PPP1R12A: variants seen among roughly 807,000 people sequenced by gnomAD.
PPP1R12A encodes the protein protein phosphatase 1 regulatory subunit 12A, also known as myosin binding subunit.
A neutral mutation model predicts 139.6 loss-of-function variants in PPP1R12A; 19 were observed. The ratio of observed to expected loss-of-function variants is 0.14; its 90% confidence interval spans 0.09 to 0.20. The LOEUF is 0.20. PPP1R12A is among the 10% of genes least tolerant of loss of function. The probability of loss-of-function intolerance (pLI) is 1.00; values close to 1 mark genes in which losing one functional copy is unlikely to be tolerated. For synonymous variants in PPP1R12A, 427 were observed against 420.6 expected, an observed-to-expected ratio of 1.02 and a Z score of -0.19; for missense variants, 925 against 1,211.5, an observed-to-expected ratio of 0.76 and a Z score of 3.51.
intron 1 of PPP1R12A, among the ~76,000 whole-genome samples, chr12:79,883,183 A>C (rs1883805591): frequency 1.3e-5 from 2 of 152,120 alleles, no homozygotes; most frequent in African/African-American, 4.8e-5. Flanking sequence ...CACCAGCAAA[A>C]AGACTATGAC....
chr12:79,878,064 GT>G (rs1883286214), intron 1 of PPP1R12A, among the ~76,000 whole-genome samples: 1 of 150,126 alleles, frequency 6.7e-6, no homozygotes, highest in Non-Finnish European at 1.5e-5. Flanking sequence ...TGTTTGTTTT[GT>G]TTTTTAAGCC....
At chr12:79,879,496 A>G (rs944349342) in intron 1 of PPP1R12A, among the ~76,000 whole-genome samples, 1 of 152,208 alleles carries the variant, frequency 6.6e-6, no homozygotes, top group Non-Finnish European at 1.5e-5. Context: ...TGAGGTGTAG[A>G]AAGGGAGATC....
intron 1 of PPP1R12A, chr12:79,914,017 T>G (rs1886802114): frequency 6.6e-6 from 1 of 152,176 alleles, no homozygotes; most frequent in African/African-American, 2.4e-5. Context: ...TTTCCAAAAA[T>G]GTAAAACGAT....
intron 1 of PPP1R12A, among the ~76,000 whole-genome samples, chr12:79,922,024 G>A (rs1887477078): frequency 6.6e-6 from 1 of 152,230 alleles, no homozygotes; most frequent in Non-Finnish European, 1.5e-5. Flanking sequence ...GCCAAGGCAG[G>A]AGGATTGCTT....
chr12:79,846,539 C>G lies in PPP1R12A; in HGVS notation c.369-1119G>C, dbSNP rs536542637. ...CCACCTCCCAGGTTCATGCCATTCT[C>G]CTGCCTCAGCCTCCCCAGTAGCTGG... On this transcript the variant is annotated intron_variant, in intron 2 of 24. Transcript: ENST00000450142. Among the ~76,000 whole-genome samples, 130 of 152,126 alleles carry G rather than the reference C, an allele frequency of 8.5e-4. 3 individuals are homozygous for G. The highest frequency in any genetic ancestry group is 3.0e-3 in the African/African-American group (123 of 41,506).
intron 9 of PPP1R12A, among the ~76,000 whole-genome samples, chr12:79,814,543 C>T (rs762329970): frequency 2.1e-4 from 29 of 140,664 alleles, no homozygotes; most frequent in Non-Finnish European, 3.8e-4. Context: ...AGGCCAGGCA[C>T]GGTGGCTCAT....
intron 21 of PPP1R12A, chr12:79,787,990 G>A (rs930584811): frequency 2.6e-5 from 4 of 152,134 alleles, no homozygotes; most frequent in Non-Finnish European, 5.9e-5. Flanking sequence ...ATTTACCCAT[G>A]AGTAGAATCT....
chr12:79,830,582 A>G (rs1368966321), intron 4 of PPP1R12A, among the ~76,000 whole-genome samples: 1 of 152,198 alleles, frequency 6.6e-6, no homozygotes, highest in East Asian at 1.9e-4. Flanking sequence ...TCTACTAGTA[A>G]GAGTGCCTTT....
intron 8 of PPP1R12A, among the ~76,000 whole-genome samples, chr12:79,818,109 A>G (rs1875630504): frequency 6.6e-6 from 1 of 152,180 alleles, no homozygotes; most frequent in South Asian, 2.1e-4. Flanking sequence ...TCAACAAATA[A>G]TAAGTGTCCC....
Position 79,934,893 on chromosome 12 carries a change from C to G in PPP1R12A, c.39G>C (p.Gln13His), listed in dbSNP as rs1035421953. 1 of 1,607,638 alleles carries G rather than the reference C, an allele frequency of 6.2e-7. No homozygotes were observed. The highest frequency in any genetic ancestry group is 1.3e-5 in the African/African-American group (1 of 74,816). Residue 13 changes from glutamine (Q) to histidine (H), a missense_variant, in exon 1 of 25, where the codon CAG becomes CAC. By Grantham distance (24) the Gln-to-His change is conservative. Coordinates refer to ENST00000450142, the MANE Select transcript of PPP1R12A (RefSeq NM_002480.3). ...MADAKQKRNEQLKRWIGSETD... is the reference protein window; with the variant it reads ...MADAKQKRNEHLKRWIGSETD... ...TCTCGGAGCCGATCCAGCGTTTCAG[C>G]TGCTCGTTCCGCTTCTGCTTCGCGT...
At chr12:79,905,217 A>T (rs1204200568) in intron 1 of PPP1R12A, among the ~76,000 whole-genome samples, 1 of 152,112 alleles carries the variant, frequency 6.6e-6, no homozygotes, top group Non-Finnish European at 1.5e-5. Context: ...ACAAAATAAA[A>T]TTGAAAAGCC....
rs967766181 is a variant in PPP1R12A at position 79,790,354 on chromosome 12, T to A, written c.2666+113A>T. 3 of 793,876 alleles carry A rather than the reference T, an allele frequency of 3.8e-6. No homozygotes were observed. In the Admixed American group the frequency reaches 1.1e-4, roughly 28 times the overall value. The allele number at this position is 793,876 out of a possible 1,614,324, so 49.2% of individuals were successfully genotyped here. On this transcript the variant is annotated intron_variant, in intron 20 of 24. Coordinates refer to ENST00000450142, the MANE Select transcript of PPP1R12A (RefSeq NM_002480.3). ...ATGATAAGGCCATCAAAATTTGTTT[T>A]TTATTATCAAATAATTCTATAAACT... is the stretch of plus-strand genomic sequence containing the variant.
In PPP1R12A at chr12:79,793,843, C is replaced by G. The variant is rs752512988; in HGVS notation, c.2649+20G>C. The G allele has an allele frequency of 6.5e-7, 1 of 1,531,158 alleles. No homozygotes were observed. The highest frequency in any genetic ancestry group is 1.4e-5 in the African/African-American group (1 of 71,704). 94.8% of individuals were successfully genotyped at this position (1,531,158 alleles called of 1,614,324 possible). On this transcript the variant is annotated intron_variant, in intron 19 of 24. Transcript: ENST00000450142. ...TAAAAAATATGAATACTTCTCAATA[C>G]AAAAAGTAATGGTATTTACCTGAGT...
chr12:79,868,365 A>T (rs1457529039), intron 2 of PPP1R12A, among the ~76,000 whole-genome samples: 1 of 152,194 alleles, frequency 6.6e-6, no homozygotes. Context: ...TAACACTGTA[A>T]TTTTTAAGGA....
chr12:79,913,479 C>T (rs1886753811), intron 1 of PPP1R12A, among the ~76,000 whole-genome samples: 1 of 152,152 alleles, frequency 6.6e-6, no homozygotes, highest in African/African-American at 2.4e-5. Context: ...TATCATAAAT[C>T]AAGTGTCCAT....
chr12:79,795,732 T>C lies in PPP1R12A; in HGVS notation c.2489A>G (p.Glu830Gly), dbSNP rs1226792805. ...REGEKREEEK[E>G]GEDKSQPKSI... ...TTTAGGTTGTGATTTATCTTCTCCT[T>C]CTTTCTCCTCTTCTCTTTTTTCTCC... The change falls in exon 18 of 25, where the codon GAA (glutamate) becomes GGA (glycine). Residue 830 changes from glutamate (E) to glycine (G), a missense_variant. Glu to Gly is a moderately conservative substitution (Grantham distance 98). Transcript: ENST00000450142. 1.2e-5 allele frequency: 19 copies of C among 1,611,182 alleles called. No individual in the cohort carries two copies. Among genetic ancestry groups the C allele is most frequent in the South Asian group, 4.4e-5 (4 of 91,034 alleles).
At chr12:79,806,449 A>G in intron 12 of PPP1R12A, 116 bp from the exon 13 acceptor site, 2 of 862,414 alleles carry the variant, frequency 2.3e-6, no homozygotes, top group Non-Finnish European at 3.5e-6. Flanking sequence ...TGTGTTCCTA[A>G]ATACACCACC....
chr12:79,932,732 AGAG>A (rs1888345000), intron 1 of PPP1R12A, among the ~76,000 whole-genome samples: 1 of 152,200 alleles, frequency 6.6e-6, no homozygotes, highest in Non-Finnish European at 1.5e-5. Flanking sequence ...GTGAATATTG[AGAG>A]GAGAAAAAAA....
chr12:79,907,729 C>G (rs1364522600), intron 1 of PPP1R12A, among the ~76,000 whole-genome samples: 1 of 152,162 alleles, frequency 6.6e-6, no homozygotes, highest in African/African-American at 2.4e-5. Context: ...CAAGACTCCA[C>G]CTCTACAAAA....
Sources: gnomAD v4.1 joint callset for allele counts (sites outside exome capture counted in the v4.1 genomes callset) on GRCh38, gnomAD v4.1.1 for gene constraint, MANE v1.5 for transcripts, NCBI Gene and HGNC (gene_info 2026-07-23, HGNC 2026-07-21) for gene names.